The following WWP2 variants were observed in gnomAD, a reference collection of about 807,000 sequenced individuals.
The protein encoded by WWP2 is WW domain containing E3 ubiquitin protein ligase 2, also known as NEDD4-like E3 ubiquitin-protein ligase WWP2.
In WWP2, 57 loss-of-function variants were observed where a neutral mutation model predicts 121.0. The observed-to-expected ratio is 0.47, with a 90% CI of 0.38 to 0.59. WWP2 has a LOEUF of 0.59. Ranked by LOEUF, WWP2 falls within the 20% of genes least tolerant of loss-of-function variation. The probability of loss-of-function intolerance (pLI) is 0.00; values close to 1 mark genes in which losing one functional copy is unlikely to be tolerated. For synonymous variants in WWP2, 449 were observed against 441.3 expected, an observed-to-expected ratio of 1.02 and a Z score of -0.22; for missense variants, 962 against 1,158.9, an observed-to-expected ratio of 0.83 and a Z score of 2.47.
intron 7 of WWP2, among the ~76,000 whole-genome samples, chr16:69,874,270 G>C (rs2057696000): frequency 2.0e-5 from 3 of 152,170 alleles, no homozygotes. Flanking sequence ...GTGGGGAGCA[G>C]GCAGAAGCTC....
At chr16:69,899,726 CAAAAA>C (rs35485826) in intron 8 of WWP2, among the ~76,000 whole-genome samples, 2,041 of 64,678 alleles carry the variant, frequency 0.032, 25 homozygotes, top group African/African-American at 0.091. Context: ...GACTCCGTCT[CAAAAA>C]AAAAAAAAAA....
chr16:69,844,118 T>C (rs773464348), intron 6 of WWP2, among the ~76,000 whole-genome samples: 7 of 152,084 alleles, frequency 4.6e-5, no homozygotes, highest in Non-Finnish European at 7.4e-5. Context: ...CATTTCCCCA[T>C]TCTCTTTTCT....
chr16:69,859,141 A>G (rs1328793179), intron 6 of WWP2, among the ~76,000 whole-genome samples: 1 of 152,236 alleles, frequency 6.6e-6, no homozygotes, highest in Non-Finnish European at 1.5e-5. Context: ...ACAGTTCTGT[A>G]GGTCATAAGT....
chr16:69,821,060 C>A (rs1472477925), intron 4 of WWP2, among the ~76,000 whole-genome samples: 1 of 152,340 alleles, frequency 6.6e-6, no homozygotes, highest in South Asian at 2.1e-4. Flanking sequence ...TTGCCCTGAT[C>A]GAGTTGCAGT....
In WWP2 at chr16:69,939,837, A is replaced by G. The variant is rs2058855066; in HGVS notation, c.2514-4A>G. The G allele has an allele frequency of 6.2e-7, 1 of 1,612,740 alleles. No individual in the cohort carries two copies. The highest frequency in any genetic ancestry group is 1.3e-5 in the African/African-American group (1 of 74,874). ...TGACTGTCGTGCTTCCCCACTCTCA[A>G]TAGCTTCAACCGTCTGGATCTTCCA... On this transcript the variant is annotated splice_polypyrimidine_tract_variant and splice_region_variant and intron_variant, in intron 23 of 23. Transcript: ENST00000359154.
intron 6 of WWP2, among the ~76,000 whole-genome samples, chr16:69,856,773 CA>C (rs2151896563): frequency 6.6e-6 from 1 of 150,740 alleles, no homozygotes; most frequent in African/African-American, 2.4e-5. Flanking sequence ...GACTCTATCT[CA>C]AAAATAAAAA....
Position 69,930,196 on chromosome 16 carries a change from CT to C in WWP2, c.1386del (p.Phe462LeufsTer54). The C allele has an allele frequency of 6.2e-7, 1 of 1,614,038 alleles. No individual in the cohort carries two copies. The highest frequency in any genetic ancestry group is 8.5e-7 in the Non-Finnish European group (1 of 1,179,972). Reference protein sequence around the residue: ...MKYTSEGVRYFVDHNTRTTTF... With the variant: ...MKYTSEGVRYXVDHNTRTTTF... ...AATACACCAGCGAGGGGGTGCGATA[CT>C]TTGTGGACCACAATACCCGCACCAC... On this transcript the variant is annotated frameshift_variant, in exon 13 of 24. Transcript: ENST00000359154. LOFTEE classifies it high-confidence loss of function.
At chr16:69,784,973 C>T (rs944428542) in intron 1 of WWP2, among the ~76,000 whole-genome samples, 2 of 151,214 alleles carry the variant, frequency 1.3e-5, no homozygotes, top group African/African-American at 4.9e-5. Flanking sequence ...CAGTGGTTCA[C>T]ACCTGTAATC....
At chr16:69,932,725 A>G (rs1411567617) in intron 16 of WWP2, among the ~76,000 whole-genome samples, 5 of 152,220 alleles carry the variant, frequency 3.3e-5, no homozygotes, top group Admixed American at 6.5e-5. Flanking sequence ...GCCTGGGGTC[A>G]GTAAAACTGT....
intron 4 of WWP2, among the ~76,000 whole-genome samples, chr16:69,835,798 A>C (rs1441603318): frequency 7.0e-6 from 1 of 143,844 alleles, no homozygotes; most frequent in Non-Finnish European, 1.5e-5. Flanking sequence ...TATAAAACCA[A>C]AGTAAATTTT....
chr16:69,846,396 A>G (rs191261551), intron 6 of WWP2, among the ~76,000 whole-genome samples: 1 of 152,290 alleles, frequency 6.6e-6, no homozygotes, highest in East Asian at 1.9e-4. Flanking sequence ...TACATGTTGT[A>G]TGGATACCTT....
intron 1 of WWP2, among the ~76,000 whole-genome samples, chr16:69,785,719 C>T (rs113299983): frequency 0.26 from 39,928 of 150,954 alleles, 5,753 homozygotes; most frequent in East Asian, 0.4. Flanking sequence ...CTCCACTTCC[C>T]GAGTTCAAGC....
chr16:69,803,054 T>C (rs557748216), intron 4 of WWP2, among the ~76,000 whole-genome samples: 1 of 152,180 alleles, frequency 6.6e-6, no homozygotes, highest in South Asian at 2.1e-4. Flanking sequence ...TTCTGGTTTG[T>C]ATTGTACCTT....
intron 7 of WWP2, among the ~76,000 whole-genome samples, chr16:69,879,720 T>C (rs2057791746): frequency 6.6e-6 from 1 of 152,224 alleles, no homozygotes; most frequent in South Asian, 2.1e-4. Context: ...TCAGTTCTTT[T>C]GGTTGTATAC....
intron 4 of WWP2, among the ~76,000 whole-genome samples, chr16:69,812,161 C>CTTTTT (rs1021541952): frequency 9.5e-4 from 103 of 108,440 alleles, no homozygotes; most frequent in African/African-American, 2.5e-3. Flanking sequence ...GAGTACAGAC[C>CTTTTT]TTTTTTTTTT....
Position 69,941,257 on chromosome 16 carries a change from G to A in WWP2, c.*1317G>A, listed in dbSNP as rs1255376194. ...TGACCATGCCCCACCGGGGTGCTGGGGCAGTAGTCATGGCAGACTCCCGGC... is the reference window on the plus strand; with the variant it reads ...TGACCATGCCCCACCGGGGTGCTGGAGCAGTAGTCATGGCAGACTCCCGGC... On this transcript the variant is annotated 3_prime_UTR_variant, in exon 24 of 24. Coordinates refer to ENST00000359154, the MANE Select transcript of WWP2 (RefSeq NM_001270454.2). 1.3e-5 allele frequency: 2 copies of A among 152,590 alleles called. No individual in the cohort carries two copies. Among genetic ancestry groups the A allele is most frequent in the African/African-American group, 4.8e-5 (2 of 41,322 alleles). 9.5% of individuals were successfully genotyped at this position (152,590 alleles called of 1,614,324 possible). A position where few individuals can be genotyped will look rare whatever the true frequency, so the allele number is the denominator to read the frequency against.
At chr16:69,763,303 G>T (rs766026586) in intron 1 of WWP2, among the ~76,000 whole-genome samples, 37 of 152,168 alleles carry the variant, frequency 2.4e-4, no homozygotes, top group Non-Finnish European at 3.8e-4. Context: ...TAGGTAGGGT[G>T]CCTGAGAGGT....
At chr16:69,839,342 C>G (rs569899920) in intron 4 of WWP2, among the ~76,000 whole-genome samples, 2 of 152,350 alleles carry the variant, frequency 1.3e-5, no homozygotes, top group African/African-American at 4.8e-5. Flanking sequence ...GGACTAAACA[C>G]TTAACTAGAC....
chr16:69,908,047 C>A (rs2058321314), intron 8 of WWP2, among the ~76,000 whole-genome samples: 1 of 152,050 alleles, frequency 6.6e-6, no homozygotes, highest in Non-Finnish European at 1.5e-5. Flanking sequence ...TCCAGACCAG[C>A]CTGGGCAACA....
Sources: allele counts gnomAD v4.1 joint callset (sites outside exome capture counted in the v4.1 genomes callset), GRCh38; gene constraint gnomAD v4.1.1; transcripts MANE v1.5; gene names NCBI Gene and HGNC (gene_info 2026-07-23, HGNC 2026-07-21).